Variants in SCHIP1 observed in about 807,000 individuals in gnomAD.
SCHIP1 encodes schwannomin interacting protein 1.
A neutral mutation model predicts 29.7 loss-of-function variants in SCHIP1; 8 were observed. The ratio of observed to expected loss-of-function variants is 0.27; its 90% CI spans 0.16 to 0.49. SCHIP1 has a LOEUF of 0.49. SCHIP1 is among the 20% of genes least tolerant of loss of function. SCHIP1 has a pLI of 0.99. For synonymous variants in SCHIP1, 76 were observed against 94.9 expected (o/e 0.80, Z 1.16); for missense variants, 193 against 294.6 (o/e 0.66, Z 2.52).
chr3:159,604,451 C>A, the SCHIP1 span, among the ~76,000 whole-genome samples: 1 of 152,160 alleles, frequency 6.6e-6, no homozygotes, highest in East Asian at 1.9e-4. Context: ...ATACGGGTGA[C>A]CACAGTGAGA....
At chr3:159,445,156 C>G in the SCHIP1 span, among the ~76,000 whole-genome samples, 1 of 152,066 alleles carries the variant, frequency 6.6e-6, no homozygotes, top group Non-Finnish European at 1.5e-5. Flanking sequence ...CCAGAATCTA[C>G]AATGAACTCA....
At chr3:159,452,064 A>G in the SCHIP1 span, among the ~76,000 whole-genome samples, 2 of 151,884 alleles carry the variant, frequency 1.3e-5, no homozygotes, top group South Asian at 4.2e-4. Flanking sequence ...GTGTGTAATT[A>G]TTTCACCTAC....
chr3:159,527,034 A>G, the SCHIP1 span, among the ~76,000 whole-genome samples: 1 of 152,240 alleles, frequency 6.6e-6, no homozygotes, highest in Admixed American at 6.5e-5. Context: ...ACACAGTCAT[A>G]TCTTCCTAGT....
At chr3:159,779,237 T>C in the SCHIP1 span, among the ~76,000 whole-genome samples, 1 of 152,242 alleles carries the variant, frequency 6.6e-6, no homozygotes, top group Admixed American at 6.5e-5. Context: ...AGAAAAGGGT[T>C]TGGGACTCTT....
At chr3:159,737,050 T>C in the SCHIP1 span, among the ~76,000 whole-genome samples, 5 of 152,198 alleles carry the variant, frequency 3.3e-5, no homozygotes, top group Admixed American at 2.0e-4. Context: ...CACATTCTTT[T>C]AGTGTGCTCT....
At chr3:159,756,080 G>A in the SCHIP1 span, among the ~76,000 whole-genome samples, 7 of 152,214 alleles carry the variant, frequency 4.6e-5, no homozygotes, top group Admixed American at 4.6e-4. Context: ...TCTGGGGTCT[G>A]GAAGATGGTG....
chr3:159,486,468 T>A, the SCHIP1 span, among the ~76,000 whole-genome samples: 2,294 of 152,290 alleles, frequency 0.015, 68 homozygotes, highest in African/African-American at 0.053. Context: ...TGGGAAGATT[T>A]CCTTCTTTTT....
chr3:159,667,274 A>T, the SCHIP1 span, among the ~76,000 whole-genome samples: 1 of 152,222 alleles, frequency 6.6e-6, no homozygotes, highest in African/African-American at 2.4e-5. Context: ...GAATCCTGAG[A>T]TGACCAGCCT....
intron 2 of SCHIP1, among the ~76,000 whole-genome samples, chr3:159,876,928 G>C (rs1318350348): frequency 1.3e-5 from 2 of 152,202 alleles, no homozygotes; most frequent in African/African-American, 4.8e-5. Flanking sequence ...TGTTGTTCTT[G>C]TCAGAAGGCA....
the SCHIP1 span, among the ~76,000 whole-genome samples, chr3:159,423,049 A>G: frequency 3.3e-5 from 5 of 152,210 alleles, no homozygotes. Flanking sequence ...ATAGATGAGT[A>G]AAGAATATGT....
At chr3:159,337,696 C>G in the SCHIP1 span, among the ~76,000 whole-genome samples, 1 of 152,106 alleles carries the variant, frequency 6.6e-6, no homozygotes, top group Non-Finnish European at 1.5e-5. Context: ...TTAGGGACCA[C>G]CAGTGGCAAC....
the SCHIP1 span, among the ~76,000 whole-genome samples, chr3:159,574,237 A>G: frequency 2.0e-5 from 3 of 152,144 alleles, no homozygotes; most frequent in Admixed American, 1.3e-4. Flanking sequence ...ATTTCTCCCC[A>G]TCTTTGTGGT....
the SCHIP1 span, among the ~76,000 whole-genome samples, chr3:159,341,027 T>A: frequency 1.3e-5 from 2 of 152,266 alleles, no homozygotes; most frequent in South Asian, 4.2e-4. Flanking sequence ...TTGGAAAGAT[T>A]CCAGAGACTT....
At chr3:159,531,856 C>G in the SCHIP1 span, among the ~76,000 whole-genome samples, 1 of 152,060 alleles carries the variant, frequency 6.6e-6, no homozygotes, top group Non-Finnish European at 1.5e-5. Flanking sequence ...AATTAATGAG[C>G]AAAAGCCTCA....
chr3:159,531,777 A>G, the SCHIP1 span, among the ~76,000 whole-genome samples: 2 of 152,236 alleles, frequency 1.3e-5, no homozygotes, highest in African/African-American at 2.4e-5. Flanking sequence ...CAAACGTTAG[A>G]TAAGTTATTT....
chr3:159,589,868 C>A, the SCHIP1 span, among the ~76,000 whole-genome samples: 2 of 151,722 alleles, frequency 1.3e-5, no homozygotes, highest in African/African-American at 4.9e-5. Context: ...ACCAAAAAAC[C>A]TTCAAGTATG....
At chr3:159,628,975 G>A in the SCHIP1 span, among the ~76,000 whole-genome samples, 1 of 151,970 alleles carries the variant, frequency 6.6e-6, no homozygotes, top group Non-Finnish European at 1.5e-5. Context: ...CACAAAAGAT[G>A]AGGTAAAAAA....
the SCHIP1 span, among the ~76,000 whole-genome samples, chr3:159,572,069 AAAAACCAGC>A: frequency 6.6e-6 from 1 of 152,168 alleles, no homozygotes; most frequent in Non-Finnish European, 1.5e-5. Flanking sequence ...GATCTTTTCA[AAAAACCAGC>A]TCCTGGATTG....
At chr3:159,689,167 G>A in the SCHIP1 span, among the ~76,000 whole-genome samples, 1 of 152,142 alleles carries the variant, frequency 6.6e-6, no homozygotes, top group Non-Finnish European at 1.5e-5. Context: ...GAATACCACT[G>A]AATCTACAAA....
Sources: allele counts gnomAD v4.1 joint callset (sites outside exome capture counted in the v4.1 genomes callset), GRCh38; gene constraint gnomAD v4.1.1; transcripts MANE v1.5; gene names NCBI Gene and HGNC (gene_info 2026-07-23, HGNC 2026-07-21).